Variants in SMG6 observed in about 807,000 individuals in gnomAD.
SMG6 encodes the protein SMG6 nonsense mediated mRNA decay factor.
A neutral mutation model predicts 142.2 loss-of-function variants in SMG6; 66 were observed. That is an observed-to-expected ratio of 0.46 (90% CI 0.38 to 0.57). The LOEUF is 0.57. Among genes scored for constraint, SMG6 ranks in the 20% least tolerant of loss-of-function variants. The pLI is 0.00. For missense variants in SMG6, 1,793 were observed against 1,832.0 expected (o/e 0.98, Z 0.39); for synonymous variants, 779 against 702.4 (o/e 1.11, Z -1.72).
intron 6 of SMG6, among the ~76,000 whole-genome samples, chr17:2,290,947 G>C (rs561978477): frequency 1.3e-5 from 2 of 152,280 alleles, no homozygotes; most frequent in East Asian, 3.9e-4. Context: ...TAAAGATACA[G>C]AGACAGAAAT....
chr17:2,227,271 T>C (rs2073346705), intron 10 of SMG6, among the ~76,000 whole-genome samples: 1 of 152,210 alleles, frequency 6.6e-6, no homozygotes, highest in African/African-American at 2.4e-5. Context: ...TACTTGCATA[T>C]AAATGTTCAT....
chr17:2,084,255 C>A (rs1292523360), intron 14 of SMG6, among the ~76,000 whole-genome samples: 1 of 152,258 alleles, frequency 6.6e-6, no homozygotes, highest in Non-Finnish European at 1.5e-5. Flanking sequence ...TGCTTCCCCA[C>A]ACAGTACCCA....
At chr17:2,297,410 C>T in intron 3 of SMG6, 57 bp from the exon 4 acceptor site, 1 of 1,342,168 alleles carries the variant, frequency 7.5e-7, no homozygotes, top group Non-Finnish European at 1.0e-6. Flanking sequence ...AACCTATCCA[C>T]CAAAAACCGG....
At chr17:2,166,314 C>T (rs1385462879) in intron 13 of SMG6, among the ~76,000 whole-genome samples, 2 of 151,926 alleles carry the variant, frequency 1.3e-5, no homozygotes, top group South Asian at 2.1e-4. Flanking sequence ...AGCATCAAAT[C>T]GTAGAAACTA....
chr17:2,208,789 C>G (rs1373025080), intron 10 of SMG6, among the ~76,000 whole-genome samples: 1 of 152,220 alleles, frequency 6.6e-6, no homozygotes, highest in African/African-American at 2.4e-5. Context: ...TGATGAAACT[C>G]ACTGTTGATA....
chr17:2,105,083 ATTTTTTTTT>A lies in SMG6; in HGVS notation c.3358-19191_3358-19183del, dbSNP rs549898049. Among the ~76,000 whole-genome samples the A allele has an allele frequency of 3.2e-3, 334 of 103,156 alleles. 1 individual carries two copies. The highest frequency in any genetic ancestry group is 0.014 in the African/African-American group (306 of 22,366). The allele number at this position is 103,156 out of a possible 152,430, so 67.7% of individuals were successfully genotyped here. A position where few individuals can be genotyped will look rare whatever the true frequency, so the allele number is the denominator to read the frequency against. On this transcript the variant is annotated intron_variant, in intron 13 of 18. Coordinates refer to ENST00000263073, the MANE Select transcript of SMG6 (RefSeq NM_017575.5). ...AGGTATGCACCACCACACCCAGCTA[ATTTTTTTTT>A]TTTTTTTTTTTTTTTGTAGAGATGG...
At chr17:2,250,168 C>G (rs555703465) in intron 8 of SMG6, among the ~76,000 whole-genome samples, 6 of 152,238 alleles carry the variant, frequency 3.9e-5, no homozygotes, top group African/African-American at 1.4e-4. Context: ...GAGGCAACAA[C>G]GCAAGAGGAG....
intron 13 of SMG6, among the ~76,000 whole-genome samples, chr17:2,144,140 T>C (rs937563427): frequency 6.9e-6 from 1 of 144,950 alleles, no homozygotes; most frequent in Non-Finnish European, 1.5e-5. Flanking sequence ...CTCACTGCAA[T>C]GTCCGCCTCC....
intron 8 of SMG6, among the ~76,000 whole-genome samples, chr17:2,260,428 GT>G (rs1361801398): frequency 6.6e-6 from 1 of 152,206 alleles, no homozygotes; most frequent in African/African-American, 2.4e-5. Context: ...CTTCCAGCTA[GT>G]TTTTTTGGTC....
chr17:2,129,309 A>G (rs1274609179), intron 13 of SMG6, among the ~76,000 whole-genome samples: 1 of 152,062 alleles, frequency 6.6e-6, no homozygotes, highest in Non-Finnish European at 1.5e-5. Context: ...GGCAATGGGA[A>G]TAAGAACCTA....
chr17:2,300,673 T>C lies in SMG6; in HGVS notation c.89-9A>G, dbSNP rs753521428. The C allele has an allele frequency of 9.0e-6, 14 of 1,560,024 alleles. No homozygotes were observed. Among genetic ancestry groups the C allele is most frequent in the South Asian group, 3.7e-5 (3 of 82,068 alleles). ...TAATTCCTTCATGTTTTCTGTTATG[T>C]CGGGGAAAGAGTTTGGGAGGGAAAG... On this transcript the variant is annotated splice_polypyrimidine_tract_variant and intron_variant, in intron 1 of 18. Coordinates refer to ENST00000263073, the MANE Select transcript of SMG6 (RefSeq NM_017575.5).
At chr17:2,130,266 C>CAAAAAAAAAAAAAAAAAAAAAAAA (rs903007543) in intron 13 of SMG6, among the ~76,000 whole-genome samples, 5 of 39,486 alleles carry the variant, frequency 1.3e-4, no homozygotes, top group South Asian at 1.1e-3. Flanking sequence ...GACTCCGTCT[C>CAAAAAAAAAAAAAAAAAAAAAAAA]AAAAAAAAAA....
At chr17:2,087,455 C>A in intron 13 of SMG6, 3 of 1,107,814 alleles carry the variant, frequency 2.7e-6, no homozygotes, top group Non-Finnish European at 3.3e-6. Context: ...GTGTTCTCTG[C>A]TTTCTCTCAC....
At chr17:2,158,508 T>C (rs1220536101) in intron 13 of SMG6, among the ~76,000 whole-genome samples, 1 of 152,194 alleles carries the variant, frequency 6.6e-6, no homozygotes, top group African/African-American at 2.4e-5. Context: ...ACAATAATGA[T>C]ATCACAAAAA....
chr17:2,123,780 T>A (rs1330113803), intron 13 of SMG6, among the ~76,000 whole-genome samples: 1 of 151,958 alleles, frequency 6.6e-6, no homozygotes, highest in Non-Finnish European at 1.5e-5. Flanking sequence ...AGGAGTGTGT[T>A]TGTGTATATG....
chr17:2,257,511 A>G (rs949469208), intron 8 of SMG6, among the ~76,000 whole-genome samples: 3 of 152,174 alleles, frequency 2.0e-5, no homozygotes, highest in Admixed American at 6.5e-5. Flanking sequence ...AGTAGTAGCA[A>G]TTCCATCTGC....
intron 13 of SMG6, among the ~76,000 whole-genome samples, chr17:2,134,342 CAAGA>C: frequency 7.8e-6 from 1 of 128,426 alleles, no homozygotes; most frequent in African/African-American, 3.0e-5. Context: ...TGCTTGAACC[CAAGA>C]GGCGAAGGTT....
At chr17:2,149,562 A>G (rs1381110212) in intron 13 of SMG6, among the ~76,000 whole-genome samples, 1 of 152,178 alleles carries the variant, frequency 6.6e-6, no homozygotes, top group Non-Finnish European at 1.5e-5. Context: ...CTACCAGTGA[A>G]CGAAGGGCTG....
chr17:2,099,598 C>T (rs1412362772), intron 13 of SMG6, among the ~76,000 whole-genome samples: 1 of 152,094 alleles, frequency 6.6e-6, no homozygotes, highest in Non-Finnish European at 1.5e-5. Flanking sequence ...TTTTAAGTTG[C>T]ATTTTCAGGT....
Sources: gnomAD v4.1 joint callset for allele counts (sites outside exome capture counted in the v4.1 genomes callset) on GRCh38, gnomAD v4.1.1 for gene constraint, MANE v1.5 for transcripts, NCBI Gene and HGNC (gene_info 2026-07-23, HGNC 2026-07-21) for gene names.